The following NEB variants were observed in gnomAD, a reference collection of about 807,000 sequenced individuals.
NEB encodes the protein nemaline myopathy type 2.
NEB carries 512 observed loss-of-function variants against 952.2 expected under a neutral mutation model. The ratio of observed to expected loss-of-function variants is 0.54; its 90% confidence interval spans 0.50 to 0.58. The LOEUF (loss-of-function observed/expected upper bound fraction) is 0.58, where lower values mean the gene tolerates loss of function less well. NEB is among the 20% of genes least tolerant of loss of function. The pLI is 0.00. For missense variants in NEB, 8,428 were observed against 9,231.1 expected, an observed-to-expected ratio of 0.91 and a Z score of 3.56; for synonymous variants, 2,900 against 3,149.8, an observed-to-expected ratio of 0.92 and a Z score of 2.66.
intron 71 of NEB, among the ~76,000 whole-genome samples, chr2:151,624,445 G>A (rs562043011): frequency 1.4e-4 from 21 of 152,060 alleles, no homozygotes; most frequent in Non-Finnish European, 2.5e-4. Flanking sequence ...TAAACCTCCT[G>A]GGAGAAGATA....
At chr2:151,669,687 C>T (rs993616507) in intron 38 of NEB, among the ~76,000 whole-genome samples, 5 of 152,126 alleles carry the variant, frequency 3.3e-5, no homozygotes, top group Admixed American at 2.6e-4. Context: ...ACAGAAGGTG[C>T]AGAAGGGCCA....
chr2:151,686,593 G>T (rs1331884729), intron 27 of NEB, among the ~76,000 whole-genome samples: 1 of 152,044 alleles, frequency 6.6e-6, no homozygotes, highest in Non-Finnish European at 1.5e-5. Flanking sequence ...TGTAATGACA[G>T]AATAGATGCA....
At chr2:151,603,446 TG>T in intron 86 of NEB, 122 bp downstream of exon 86, 1 of 895,666 alleles carries the variant, frequency 1.1e-6, no homozygotes, top group South Asian at 1.7e-5. Context: ...AAGATCCATC[TG>T]GATACATGCA....
intron 13 of NEB, among the ~76,000 whole-genome samples, chr2:151,705,680 A>G (rs1222742493): frequency 1.3e-5 from 2 of 152,246 alleles, no homozygotes; most frequent in African/African-American, 4.8e-5. Context: ...CTGAGGGCCC[A>G]TCAACCAACG....
chr2:151,692,062 A>T lies in NEB; in HGVS notation c.2103T>A (p.Ser701Arg). The T allele has an allele frequency of 6.2e-7, 1 of 1,613,508 alleles. No individual in the cohort carries two copies. Among genetic ancestry groups the T allele is most frequent in the Non-Finnish European group, 8.5e-7 (1 of 1,179,504 alleles). Residue 701 changes from serine (S) to arginine (R), a missense_variant, in exon 22 of 182, where the codon AGT (serine) becomes AGA (arginine). Physicochemically the swap from Ser to Arg is moderately radical, Grantham distance 110. Coordinates refer to ENST00000397345, the MANE Select transcript of NEB (RefSeq NM_001164508.2). ...GAACCATTGTCTTCAAACTTACATC[A>T]CTGTTTTGAGCTGCAACTTTCATGC... ...THCMKVAAQN[S>R]DKSYKAEYEE... is the part of the protein sequence containing the mutation.
intron 5 of NEB, among the ~76,000 whole-genome samples, chr2:151,727,072 C>G (rs2150887153): frequency 6.6e-6 from 1 of 150,696 alleles, no homozygotes; most frequent in Admixed American, 6.6e-5. Context: ...AAAAAAAAAC[C>G]TTTCTGCACA....
intron 136 of NEB, 47 bp downstream of exon 136, chr2:151,541,400 A>T: frequency 6.9e-7 from 1 of 1,448,594 alleles, no homozygotes. Context: ...ACATATAATC[A>T]CCCCCTGTGA....
At chr2:151,490,618 G>A in intron 179 of NEB, 100 bp from the exon 180 acceptor site, 3 of 1,433,712 alleles carry the variant, frequency 2.1e-6, no homozygotes, top group Non-Finnish European at 1.9e-6. Context: ...TCTTTGCCAA[G>A]CATGGTTTTA....
At chr2:151,550,947 AATTATTATTATTATT>A (rs5835373) in intron 129 of NEB, among the ~76,000 whole-genome samples, 10 of 138,892 alleles carry the variant, frequency 7.2e-5, no homozygotes, top group Non-Finnish European at 3.1e-5. Context: ...GCCTGGCCAA[AATTATTATTATTATT>A]ATTATTATTA....
chr2:151,531,517 A>G (rs1395063883), intron 144 of NEB, among the ~76,000 whole-genome samples: 1 of 152,000 alleles, frequency 6.6e-6, no homozygotes, highest in Non-Finnish European at 1.5e-5. Context: ...GGGTTTTGCC[A>G]TATTGGCCAG....
intron 40 of NEB, 106 bp downstream of exon 40, chr2:151,667,694 ATTTT>A (rs1016935164): frequency 1.0e-5 from 6 of 602,842 alleles, no homozygotes; most frequent in South Asian, 2.8e-5. Flanking sequence ...CATCTGGCTA[ATTTT>A]TTTTTTTATT....
intron 155 of NEB, 108 bp from the exon 156 acceptor site, chr2:151,518,530 T>A: frequency 1.4e-6 from 1 of 724,086 alleles, no homozygotes; most frequent in Non-Finnish European, 2.4e-6. Context: ...AAGATCAAAC[T>A]AAAAATGGCA....
intron 50 of NEB, 89 bp from the exon 51 acceptor site, chr2:151,655,463 C>A: frequency 3.1e-6 from 2 of 645,756 alleles, no homozygotes; most frequent in East Asian, 2.9e-5. Context: ...TACTTGAATG[C>A]ACTCAATTTG....
At chr2:151,542,775 A>G (rs549288015) in intron 135 of NEB, among the ~76,000 whole-genome samples, 2 of 152,254 alleles carry the variant, frequency 1.3e-5, no homozygotes, top group South Asian at 2.1e-4. Context: ...TGAGACACAT[A>G]TTTTCTTAAT....
chr2:151,526,840 C>T, intron 148 of NEB, 78 bp downstream of exon 148: 2 of 1,053,830 alleles, frequency 1.9e-6, no homozygotes, highest in Non-Finnish European at 2.9e-6. Context: ...TCCATCCTTC[C>T]CTGGTGTCCC....
In NEB at chr2:151,576,143, T is replaced by A; in HGVS notation, c.16908+8A>T. On this transcript the variant is annotated splice_region_variant and intron_variant, in intron 106 of 181. Coordinates refer to ENST00000397345, the MANE Select transcript of NEB (RefSeq NM_001164508.2). ...TAATTCAATTTTAATAGAGAAAAAC[T>A]AACTCACAATACTAATATTTTCAGC... 2 of 1,570,552 alleles carry A rather than the reference T, an allele frequency of 1.3e-6. No individual in the cohort carries two copies. The highest frequency in any genetic ancestry group is 1.7e-6 in the Non-Finnish European group (2 of 1,151,926).
In NEB at chr2:151,643,993, T is replaced by C. The variant is rs1407235038; in HGVS notation, c.7781A>G (p.Glu2594Gly). The C allele has an allele frequency of 1.9e-6, 3 of 1,613,828 alleles. No individual in the cohort carries two copies. In the Admixed American group the frequency reaches 5.0e-5, roughly 27 times the overall value. Reference sequence around the variant, plus strand: ...GCTGCTGAACTTGGTCTTCCACTTCTCAAAGTCCTTCTTGTACTCCCTGTC... The same window carrying C: ...GCTGCTGAACTTGGTCTTCCACTTCCCAAAGTCCTTCTTGTACTCCCTGTC... ...QSDREYKKDF[E>G]KWKTKFSSPV... Residue 2594 changes from glutamate (E) to glycine (G), a missense_variant, in exon 57 of 182, where the codon GAG becomes GGG. Physicochemically the swap from Glu to Gly is moderately conservative, Grantham distance 98. Transcript: ENST00000397345.
chr2:151,695,445 G>T, intron 18 of NEB, 133 bp downstream of exon 18: 1 of 693,962 alleles, frequency 1.4e-6, no homozygotes. Context: ...CAGAGGCATA[G>T]CAACATGATA....
intron 153 of NEB, among the ~76,000 whole-genome samples, chr2:151,523,383 A>C (rs1381615438): frequency 6.6e-6 from 1 of 152,258 alleles, no homozygotes; most frequent in African/African-American, 2.4e-5. Flanking sequence ...TATCTTCCAA[A>C]AGATTGGAAT....
Sources: gnomAD v4.1 joint callset for allele counts (sites outside exome capture counted in the v4.1 genomes callset) on GRCh38, gnomAD v4.1.1 for gene constraint, MANE v1.5 for transcripts, NCBI Gene and HGNC (gene_info 2026-07-23, HGNC 2026-07-21) for gene names.